ATL2: variants seen among roughly 807,000 people sequenced by gnomAD.
ATL2 encodes atlastin-2.
In ATL2, 31 loss-of-function variants were observed where a neutral mutation model predicts 73.9. The ratio of observed to expected loss-of-function variants is 0.42; its 90% CI spans 0.32 to 0.57. The LOEUF is 0.57. Among genes scored for constraint, ATL2 ranks in the 20% least tolerant of loss-of-function variants. The pLI, the probability that ATL2 is intolerant of heterozygous loss-of-function variation, is 0.14. For missense variants in ATL2, 738 were observed against 702.6 expected (o/e 1.05, Z -0.57); for synonymous variants, 291 against 237.5 (o/e 1.23, Z -2.07).
At chr2:38,353,208 T>G (rs1475455940) in intron 1 of ATL2, among the ~76,000 whole-genome samples, 3 of 151,950 alleles carry the variant, frequency 2.0e-5, no homozygotes, top group Admixed American at 6.6e-5. Context: ...TACAGGAAAA[T>G]AAAGTCTTAA....
intron 1 of ATL2, among the ~76,000 whole-genome samples, chr2:38,375,083 C>T (rs184719898): frequency 6.6e-6 from 1 of 152,246 alleles, no homozygotes; most frequent in Non-Finnish European, 1.5e-5. Flanking sequence ...TACTTATTTG[C>T]TTTCTAAAGA....
intron 2 of ATL2, among the ~76,000 whole-genome samples, chr2:38,326,275 G>T (rs914005249): frequency 2.0e-5 from 3 of 152,160 alleles, no homozygotes; most frequent in Non-Finnish European, 2.9e-5. Flanking sequence ...AGAAACTGAA[G>T]CCTCTAGGAC....
intron 8 of ATL2, 55 bp downstream of exon 8, chr2:38,310,254 A>G: frequency 6.9e-6 from 11 of 1,582,840 alleles, no homozygotes; most frequent in Non-Finnish European, 9.5e-6. Flanking sequence ...TTTCTTAAAA[A>G]ACTTTCCACC....
intron 2 of ATL2, among the ~76,000 whole-genome samples, chr2:38,325,619 CCAGTACAT>C (rs1364302014): frequency 4.7e-5 from 6 of 128,282 alleles, no homozygotes; most frequent in African/African-American, 1.7e-4. Context: ...TACACACACA[CCAGTACAT>C]ACACACACAC....
rs75887578 is a variant in ATL2 at position 38,336,846 on chromosome 2, A to C, written c.363+6422T>G. ...ATACCAAGAATTCAGTAAAGATTCA[A>C]AAACCGTTACATCACAAAATAGTAT... On this transcript the variant is annotated intron_variant, in intron 2 of 12. Transcript: ENST00000378954. 7.9e-5 allele frequency among the ~76,000 whole-genome samples: 12 copies of C among 152,362 alleles called. No homozygotes were observed. The East Asian group carries it at 1.9e-3, about 24-fold the overall frequency.
At chr2:38,331,944 T>C (rs895193529) in intron 2 of ATL2, among the ~76,000 whole-genome samples, 3 of 152,148 alleles carry the variant, frequency 2.0e-5, no homozygotes, top group Non-Finnish European at 4.4e-5. Context: ...CATTAACTGA[T>C]GAATGGATAA....
chr2:38,311,566 C>A (rs188593661), intron 7 of ATL2, among the ~76,000 whole-genome samples: 72 of 152,208 alleles, frequency 4.7e-4, no homozygotes, highest in South Asian at 6.2e-4. Flanking sequence ...GGATTAACCT[C>A]AGAAACATAA....
At position 38,343,486 on chromosome 2, in the gene ATL2, C is replaced by G; in HGVS notation, c.145G>C (p.Val49Leu). The G allele has an allele frequency of 6.2e-7, 1 of 1,607,336 alleles. No individual in the cohort carries two copies. Among genetic ancestry groups the G allele is most frequent in the South Asian group, 1.1e-5 (1 of 90,334 alleles). Residue 49 changes from valine (V) to leucine (L), a missense_variant, in exon 2 of 13, where the codon GTA (valine) becomes CTA (leucine). Coordinates refer to ENST00000378954, the MANE Select transcript of ATL2 (RefSeq NM_001135673.4). ...LGENYEDDDL[V>L]NSDEVMKKPC... ...TTCTTCATAACCTCATCAGAATTTA[C>G]TAGGTCATCATCTTCATAATTCTCA...
chr2:38,297,948 C>T, intron 12 of ATL2, 196 bp downstream of exon 12: 1 of 576,538 alleles, frequency 1.7e-6, no homozygotes, highest in Non-Finnish European at 3.0e-6. Flanking sequence ...CAGATTTAGG[C>T]TAACCAAAGT....
intron 2 of ATL2, among the ~76,000 whole-genome samples, chr2:38,334,632 A>G (rs1030540626): frequency 2.6e-5 from 4 of 151,358 alleles, no homozygotes; most frequent in Non-Finnish European, 5.9e-5. Context: ...TGGGAGGCGG[A>G]GGTTGCGGTG....
At chr2:38,377,395 ATCTCCTCGCCCTCCGCC>A (rs1672056412), upstream of ATL2, 3 of 690,716 alleles carry the variant, frequency 4.3e-6, no homozygotes, top group East Asian at 9.6e-5. Context: ...CTCCGCCTGT[ATCTCCTCGCCCTCCGCC>A]TGTATCTCCT....
chr2:38,310,668 G>A (rs370422876), intron 7 of ATL2, among the ~76,000 whole-genome samples: 5 of 128,866 alleles, frequency 3.9e-5, no homozygotes, highest in Admixed American at 1.9e-4. Flanking sequence ...ACAGAGTTTC[G>A]CTCTTGTTGC....
At chr2:38,318,674 C>G (rs774363875) in intron 3 of ATL2, 35 bp from the exon 4 acceptor site, 6 of 1,509,538 alleles carry the variant, frequency 4.0e-6, no homozygotes, top group Non-Finnish European at 1.8e-6. Flanking sequence ...TTTAGTAAAA[C>G]AGTTGCCAAA....
chr2:38,367,001 T>G (rs929343416), intron 1 of ATL2, among the ~76,000 whole-genome samples: 1 of 152,086 alleles, frequency 6.6e-6, no homozygotes, highest in Non-Finnish European at 1.5e-5. Context: ...ATTATCTTTA[T>G]TACTATTATT....
At chr2:38,340,937 G>A (rs1669677161) in intron 2 of ATL2, among the ~76,000 whole-genome samples, 1 of 152,122 alleles carries the variant, frequency 6.6e-6, no homozygotes, top group Non-Finnish European at 1.5e-5. Context: ...CCTTTGCATG[G>A]CTTCTGCAAC....
At chr2:38,313,082 A>C in intron 7 of ATL2, 69 bp downstream of exon 7, 1 of 1,035,526 alleles carries the variant, frequency 9.7e-7, no homozygotes, top group Non-Finnish European at 1.5e-6. Context: ...TGTGACCAGC[A>C]GTCCGGACAG....
chr2:38,339,937 C>T (rs1158610053), intron 2 of ATL2, among the ~76,000 whole-genome samples: 1 of 152,124 alleles, frequency 6.6e-6, no homozygotes, highest in African/African-American at 2.4e-5. Flanking sequence ...GTGATCTACC[C>T]ACCTCGGCCT....
chr2:38,321,273 C>A (rs1193740067), intron 2 of ATL2, among the ~76,000 whole-genome samples: 1 of 152,138 alleles, frequency 6.6e-6, no homozygotes, highest in Non-Finnish European at 1.5e-5. Context: ...TTCCACAAAA[C>A]TCCCATCCCC....
rs34303299 is a variant in ATL2, at chr2:38,334,028, C to CTTTTT, written c.363+9235_363+9239dup. On this transcript the variant is annotated intron_variant, in intron 2 of 12. Coordinates refer to ENST00000378954, the MANE Select transcript of ATL2 (RefSeq NM_001135673.4). The stretch of plus-strand genomic sequence containing the variant: ...CCACATAACCTCTGTATCCAATCCT[C>CTTTTT]TTTTTTTTTTTTTTTTTTTGAGACA... 1.5e-3 allele frequency among the ~76,000 whole-genome samples: 185 copies of CTTTTT among 121,606 alleles called. 9 individuals are homozygous for CTTTTT. Among genetic ancestry groups the CTTTTT allele is most frequent in the African/African-American group, 5.8e-3 (172 of 29,776 alleles). The allele number at this position is 121,606 out of a possible 152,430, so 79.8% of individuals were successfully genotyped here.
Sources: allele counts gnomAD v4.1 joint callset (sites outside exome capture counted in the v4.1 genomes callset), GRCh38; gene constraint gnomAD v4.1.1; transcripts MANE v1.5; gene names NCBI Gene and HGNC (gene_info 2026-07-23, HGNC 2026-07-21).